Variants in ADAMTSL1 observed in about 807,000 individuals in gnomAD.
The protein encoded by ADAMTSL1 is ADAMTS like 1, also known as ADAMTS-like protein 1.
Under a neutral mutation model 201.8 loss-of-function variants are expected in ADAMTSL1, and 126 were observed. The ratio of observed to expected loss-of-function variants is 0.62; its 90% CI spans 0.54 to 0.72. ADAMTSL1 has a LOEUF of 0.72. ADAMTSL1 is among the 30% of genes least tolerant of loss of function. The probability of loss-of-function intolerance (pLI) is 0.00; values close to 1 mark genes in which losing one functional copy is unlikely to be tolerated. For synonymous variants in ADAMTSL1, 1,121 were observed against 903.4 expected, an observed-to-expected ratio of 1.24 and a Z score of -4.32; for missense variants, 2,679 against 2,277.8, an observed-to-expected ratio of 1.18 and a Z score of -3.59.
At chr9:18,587,265 C>T (rs1213166648) in intron 4 of ADAMTSL1, among the ~76,000 whole-genome samples, 6 of 151,852 alleles carry the variant, frequency 4.0e-5, no homozygotes, top group African/African-American at 1.5e-4. Context: ...ACAAACCACC[C>T]CAAGAAACCC....
chr9:18,640,436 A>G (rs1399294821), intron 7 of ADAMTSL1, among the ~76,000 whole-genome samples: 2 of 152,142 alleles, frequency 1.3e-5, no homozygotes, highest in Non-Finnish European at 2.9e-5. Flanking sequence ...AGTATACTAT[A>G]GTAATTTCCC....
intron 14 of ADAMTSL1, among the ~76,000 whole-genome samples, chr9:18,719,404 A>G (rs913502137): frequency 3.3e-5 from 5 of 152,078 alleles, no homozygotes; most frequent in Non-Finnish European, 5.9e-5. Flanking sequence ...CTGGAGTACA[A>G]TGGTGTGATC....
chr9:17,956,399 A>G (rs992200508), intron 1 of ADAMTSL1, among the ~76,000 whole-genome samples: 1 of 152,200 alleles, frequency 6.6e-6, no homozygotes, highest in African/African-American at 2.4e-5. Flanking sequence ...AAAGTCGGCA[A>G]TATTGTTGGC....
At chr9:18,301,371 G>A (rs755075581) in intron 2 of ADAMTSL1, among the ~76,000 whole-genome samples, 1 of 152,086 alleles carries the variant, frequency 6.6e-6, no homozygotes, top group East Asian at 1.9e-4. Context: ...AGGAGATTGC[G>A]GTACAGTAGT....
At chr9:18,696,464 C>G (rs1831555874) in intron 13 of ADAMTSL1, among the ~76,000 whole-genome samples, 2 of 152,128 alleles carry the variant, frequency 1.3e-5, no homozygotes, top group African/African-American at 4.8e-5. Flanking sequence ...GAAAGTTTGT[C>G]TTTTTTACCT....
At chr9:18,012,611 A>G (rs1820097787) in intron 1 of ADAMTSL1, among the ~76,000 whole-genome samples, 1 of 152,074 alleles carries the variant, frequency 6.6e-6, no homozygotes. Context: ...TTGTGTGAGA[A>G]TGCTGAGACA....
rs1219703564 is a variant in ADAMTSL1 at position 18,572,194 on chromosome 9, C to CAA, written c.238-1823_238-1822dup. Among the ~76,000 whole-genome samples the CAA allele has an allele frequency of 2.2e-3, 202 of 91,742 alleles. 3 individuals are homozygous for CAA. Among genetic ancestry groups the CAA allele is most frequent in the Middle Eastern group, 0.017 (2 of 118 alleles). 60.2% of individuals were successfully genotyped at this position (91,742 alleles called of 152,430 possible). On this transcript the variant is annotated intron_variant, in intron 3 of 28. Transcript: ENST00000380548. ...GGGGAGACAGAGCGAGACTCCTTGT[C>CAA]AAAAAAAAAAAAAATAAAGTTAATT...
chr9:18,714,385 T>C (rs1193592945), intron 14 of ADAMTSL1, among the ~76,000 whole-genome samples: 4 of 151,910 alleles, frequency 2.6e-5, no homozygotes. Flanking sequence ...AAGAATCAAA[T>C]AGATGCAATA....
chr9:18,662,954 A>G (rs1200496278), intron 9 of ADAMTSL1, among the ~76,000 whole-genome samples: 1 of 152,200 alleles, frequency 6.6e-6, no homozygotes, highest in Non-Finnish European at 1.5e-5. Flanking sequence ...AAAGACAAAG[A>G]TTCATTTTCA....
chr9:18,142,801 G>A (rs1386734747), intron 1 of ADAMTSL1, among the ~76,000 whole-genome samples: 2 of 152,188 alleles, frequency 1.3e-5, no homozygotes, highest in South Asian at 4.1e-4. Flanking sequence ...GTGCCATAGT[G>A]CCAAAGAGTG....
chr9:18,077,844 GA>G (rs1455610531), intron 1 of ADAMTSL1, among the ~76,000 whole-genome samples: 1 of 152,188 alleles, frequency 6.6e-6, no homozygotes, highest in Non-Finnish European at 1.5e-5. Context: ...GAGAGATGGA[GA>G]GGGGCTAGCC....
At chr9:18,510,521 T>C (rs186772409) in intron 2 of ADAMTSL1, among the ~76,000 whole-genome samples, 1 of 152,182 alleles carries the variant, frequency 6.6e-6, no homozygotes, top group Non-Finnish European at 1.5e-5. Context: ...CTACCCTTTT[T>C]CTGAGGTTTG....
intron 20 of ADAMTSL1, among the ~76,000 whole-genome samples, chr9:18,814,861 G>A (rs1266879625): frequency 6.6e-6 from 1 of 152,082 alleles, no homozygotes; most frequent in Non-Finnish European, 1.5e-5. Flanking sequence ...CTGCATATGT[G>A]CCCCTAACTT....
intron 2 of ADAMTSL1, among the ~76,000 whole-genome samples, chr9:18,374,681 C>A (rs1053123227): frequency 6.6e-6 from 1 of 152,180 alleles, no homozygotes; most frequent in Non-Finnish European, 1.5e-5. Flanking sequence ...ACCTACAAAA[C>A]ACACTTACTC....
At chr9:18,821,727 A>G (rs1824222254) in intron 21 of ADAMTSL1, among the ~76,000 whole-genome samples, 1 of 151,984 alleles carries the variant, frequency 6.6e-6, no homozygotes, top group Non-Finnish European at 1.5e-5. Flanking sequence ...TTCTTTCCCT[A>G]AGCCACCCTA....
At chr9:18,544,466 A>G (rs202088313) in intron 3 of ADAMTSL1, among the ~76,000 whole-genome samples, 30 of 152,176 alleles carry the variant, frequency 2.0e-4, no homozygotes, top group African/African-American at 7.0e-4. Flanking sequence ...GCATCTTTCT[A>G]GTATACTTAA....
At chr9:18,057,307 A>G (rs1203180954) in intron 1 of ADAMTSL1, among the ~76,000 whole-genome samples, 2 of 152,230 alleles carry the variant, frequency 1.3e-5, no homozygotes, top group Non-Finnish European at 2.9e-5. Flanking sequence ...AGAAATAGAC[A>G]ATTATTTCCC....
intron 4 of ADAMTSL1, among the ~76,000 whole-genome samples, chr9:18,613,002 T>G (rs1436571566): frequency 2.0e-5 from 3 of 151,916 alleles, no homozygotes; most frequent in African/African-American, 7.3e-5. Flanking sequence ...CTATAAGAAA[T>G]TAAACAAATT....
chr9:18,066,405 AT>A lies in ADAMTSL1; in HGVS notation c.88-97455del, dbSNP rs554626133. Among the ~76,000 whole-genome samples, 29 of 152,314 alleles carry A rather than the reference AT, an allele frequency of 1.9e-4. No homozygotes were observed. The South Asian group carries it at 5.8e-3, about 30-fold the overall frequency. On this transcript the variant is annotated intron_variant, in intron 1 of 29. Coordinates refer to the ADAMTSL1 transcript ENST00000680146. ...TAGGAGGTAGGGTTATTTATATCTAATTAACTTTAAGTTGACTTAAAAGTAT... is the reference window on the plus strand; with the variant it reads ...TAGGAGGTAGGGTTATTTATATCTAATAACTTTAAGTTGACTTAAAAGTAT...
Sources: allele counts gnomAD v4.1 joint callset (sites outside exome capture counted in the v4.1 genomes callset), GRCh38; gene constraint gnomAD v4.1.1; transcripts MANE v1.5; gene names NCBI Gene and HGNC (gene_info 2026-07-23, HGNC 2026-07-21).